The following MYBL1 variants were observed in gnomAD, a reference collection of about 807,000 sequenced individuals.
MYBL1 encodes the protein myb-related protein A.
MYBL1 carries 17 observed loss-of-function variants against 96.3 expected under a neutral mutation model. The ratio of observed to expected loss-of-function variants is 0.18; its 90% CI spans 0.12 to 0.26. MYBL1 has a LOEUF of 0.26. Among genes scored for constraint, MYBL1 ranks in the 10% least tolerant of loss-of-function variants. The pLI, the probability that MYBL1 is intolerant of heterozygous loss-of-function variation, is 1.00. For synonymous variants in MYBL1, 282 were observed against 292.7 expected (o/e 0.96, Z 0.37); for missense variants, 701 against 882.9 (o/e 0.79, Z 2.61).
At chr8:66,589,994 A>C (rs1809573706) in intron 8 of MYBL1, among the ~76,000 whole-genome samples, 1 of 152,084 alleles carries the variant, frequency 6.6e-6, no homozygotes, top group Non-Finnish European at 1.5e-5. Context: ...GGACTGCTTA[A>C]ACCTAAGAGG....
chr8:66,581,469 G>A (rs1197094639), intron 8 of MYBL1, among the ~76,000 whole-genome samples: 1 of 152,102 alleles, frequency 6.6e-6, no homozygotes, highest in East Asian at 1.9e-4. Flanking sequence ...TTGAGCCCAG[G>A]AGTTTGAGAA....
Position 66,580,134 on chromosome 8 carries a change from G to T in MYBL1, c.1100C>A (p.Ser367Tyr), listed in dbSNP as rs1276651265. 6.3e-7 allele frequency: 1 copy of T among 1,593,774 alleles called. No individual in the cohort carries two copies. The highest frequency in any genetic ancestry group is 8.6e-7 in the Non-Finnish European group (1 of 1,164,098). Residue 367 changes from serine to tyrosine, a missense_variant and splice_region_variant, in exon 9 of 16, where the codon TCT becomes TAT. Physicochemically the swap from Ser to Tyr is moderately radical, Grantham distance 144. Around this residue, in one of 5 missense-constraint regions of MYBL1, gnomAD observed 396 missense variants for 407.4 expected, o/e 0.97. Coordinates refer to ENST00000522677, the MANE Select transcript of MYBL1 (RefSeq NM_001080416.4). ...ATAATCTTACAATTTTTTACTTACA[G>T]ATTCAATAAGTTCTAGAGTCTCTGC... ...EFAETLELIESDPVAWSDVTS... is the reference protein window; with the variant it reads ...EFAETLELIEYDPVAWSDVTS...
chr8:66,565,584 T>G (rs935470302), intron 15 of MYBL1: 1 of 152,124 alleles, frequency 6.6e-6, no homozygotes, highest in African/African-American at 2.4e-5. Context: ...GCAGTAAAAA[T>G]TTTTCCAACC....
chr8:66,567,769 C>G (rs573639976), intron 12 of MYBL1, among the ~76,000 whole-genome samples: 1 of 152,216 alleles, frequency 6.6e-6, no homozygotes, highest in South Asian at 2.1e-4. Flanking sequence ...ACTGGCAGCA[C>G]TTAATAACCA....
intron 6 of MYBL1, among the ~76,000 whole-genome samples, chr8:66,593,683 A>G (rs1277392660): frequency 6.6e-6 from 1 of 152,192 alleles, no homozygotes; most frequent in Admixed American, 6.5e-5. Context: ...TCTTAGAAAA[A>G]CAATCAGAAT....
intron 12 of MYBL1, among the ~76,000 whole-genome samples, chr8:66,569,359 A>G (rs1320771555): frequency 1.4e-5 from 2 of 138,606 alleles, no homozygotes; most frequent in African/African-American, 5.4e-5. Flanking sequence ...TTTTTCCTTA[A>G]TTTTTTTTGA....
Position 66,593,187 on chromosome 8 carries a change from C to T in MYBL1, c.695G>A (p.Gly232Glu). The T allele has an allele frequency of 6.4e-7, 1 of 1,569,984 alleles. No individual in the cohort carries two copies. Among genetic ancestry groups the T allele is most frequent in the African/African-American group, 1.4e-5 (1 of 73,988 alleles). Residue 232 changes from glycine (G) to glutamate (E), a missense_variant, in exon 7 of 16, where the codon GGG (glycine) becomes GAG (glutamate). By Grantham distance (98) the Gly-to-Glu change is moderately conservative (BLOSUM62 -2). Coordinates refer to ENST00000522677, the MANE Select transcript of MYBL1 (RefSeq NM_001080416.4). ...NQFYIPVQIP[G>E]YQYVSPEGNC... ...GCCTTCAGGTGACACATACTGATAC[C>T]CAGGGATCTAAAAAGTAATTAATGC...
intron 4 of MYBL1, among the ~76,000 whole-genome samples, chr8:66,597,784 C>A (rs2129977491): frequency 7.0e-6 from 1 of 143,538 alleles, no homozygotes; most frequent in South Asian, 2.3e-4. Context: ...ATTGCTTTCA[C>A]ACCCTATTAA....
intron 8 of MYBL1, among the ~76,000 whole-genome samples, chr8:66,581,481 A>G (rs555914515): frequency 2.6e-5 from 4 of 152,164 alleles, no homozygotes; most frequent in Non-Finnish European, 2.9e-5. Flanking sequence ...GTTTGAGAAC[A>G]GTTTGGCCAA....
At chr8:66,602,770 G>C (rs1260440319) in intron 1 of MYBL1, among the ~76,000 whole-genome samples, 1 of 111,666 alleles carries the variant, frequency 9.0e-6, no homozygotes. Flanking sequence ...TTCTGAGACG[G>C]AGTCTCGCTC....
intron 1 of MYBL1, among the ~76,000 whole-genome samples, chr8:66,605,256 T>C (rs1317129661): frequency 6.6e-6 from 1 of 152,168 alleles, no homozygotes; most frequent in Non-Finnish European, 1.5e-5. Flanking sequence ...GTTCAAGAGC[T>C]CAATAGCCAC....
At chr8:66,598,486 A>T (rs1421528009) in intron 4 of MYBL1, among the ~76,000 whole-genome samples, 1 of 152,252 alleles carries the variant, frequency 6.6e-6, no homozygotes, top group Admixed American at 6.5e-5. Context: ...CAACTGCATT[A>T]GCAACCTTTA....
intron 7 of MYBL1, among the ~76,000 whole-genome samples, 193 bp downstream of exon 7, chr8:66,592,927 T>C (rs945916562): frequency 1.3e-5 from 2 of 152,206 alleles, no homozygotes; most frequent in South Asian, 4.1e-4. Context: ...ACTGGTATCA[T>C]CAATCACATT....
At chr8:66,582,354 T>C (rs951872554) in intron 8 of MYBL1, among the ~76,000 whole-genome samples, 111 of 151,862 alleles carry the variant, frequency 7.3e-4, no homozygotes, top group African/African-American at 2.6e-3. Context: ...AGATATTCTA[T>C]GCAAACAGAA....
intron 1 of MYBL1, among the ~76,000 whole-genome samples, chr8:66,608,181 A>C (rs1810394702): frequency 6.6e-6 from 1 of 152,210 alleles, no homozygotes; most frequent in South Asian, 2.1e-4. Context: ...TTTTAACTGT[A>C]AAATTTTGCC....
chr8:66,589,013 C>T (rs1346973574), intron 8 of MYBL1, among the ~76,000 whole-genome samples: 1 of 152,000 alleles, frequency 6.6e-6, no homozygotes, highest in Non-Finnish European at 1.5e-5. Context: ...TGTAAGACTC[C>T]AACACAAAAA....
At position 66,593,153 on chromosome 8, in the gene MYBL1, T is replaced by C. The variant is rs768998469; in HGVS notation, c.729A>G (p.Ile243Met). 6.9e-6 allele frequency: 11 copies of C among 1,589,446 alleles called. No individual in the cohort carries two copies. The highest frequency in any genetic ancestry group is 1.7e-5 in the Admixed American group (1 of 57,732). Residue 243 changes from isoleucine to methionine, a missense_variant, in exon 7 of 16, where the codon ATA (isoleucine) becomes ATG (methionine). By Grantham distance (10) the Ile-to-Met change is conservative (BLOSUM62 1). Transcript: ENST00000522677. ...YQYVSPEGNCIEHVQPTSAFI... is the reference protein window; with the variant it reads ...YQYVSPEGNCMEHVQPTSAFI... ...AGGCAGAAGTAGGCTGAACATGTTC[T>C]ATACAATTGCCTTCAGGTGACACAT...
chr8:66,586,226 TG>T (rs1809417535), intron 8 of MYBL1, among the ~76,000 whole-genome samples: 2 of 151,780 alleles, frequency 1.3e-5, no homozygotes, highest in East Asian at 3.9e-4. Context: ...TTGTATTTTT[TG>T]TAAAGATGGG....
intron 9 of MYBL1, among the ~76,000 whole-genome samples, chr8:66,579,763 T>G (rs1333902406): frequency 6.6e-6 from 1 of 152,130 alleles, no homozygotes; most frequent in Admixed American, 6.6e-5. Flanking sequence ...TTTTTGGGTT[T>G]AAAAATATAA....
Sources: allele counts gnomAD v4.1 joint callset (sites outside exome capture counted in the v4.1 genomes callset), GRCh38; gene constraint gnomAD v4.1.1; regional missense constraint gnomAD v4.1.1; transcripts MANE v1.5; gene names NCBI Gene and HGNC (gene_info 2026-07-23, HGNC 2026-07-21).